ATP5MF: variants seen among roughly 807,000 people sequenced by gnomAD.
ATP5MF encodes ATP synthase F(0) complex subunit f, mitochondrial.
A neutral mutation model predicts 13.8 loss-of-function variants in ATP5MF; 10 were observed. That is an observed-to-expected ratio of 0.72 (90% CI 0.45 to 1.23). The LOEUF (loss-of-function observed/expected upper bound fraction) is 1.23, where lower values mean the gene tolerates loss of function less well. Ranked by LOEUF, ATP5MF falls within the 50% of genes most tolerant of loss-of-function variation. The pLI, the probability that ATP5MF is intolerant of heterozygous loss-of-function variation, is 0.00. For synonymous variants in ATP5MF, 40 were observed against 45.8 expected, an observed-to-expected ratio of 0.87 and a Z score of 0.51; for missense variants, 122 against 118.2, an observed-to-expected ratio of 1.03 and a Z score of -0.15.
rs111813963 is a variant in ATP5MF, at chr7:99,459,146, C to T, written c.256+1G>A. On this transcript the variant is annotated splice_donor_variant, in intron 3 of 3. Coordinates refer to ENST00000292475, the MANE Select transcript of ATP5MF (RefSeq NM_004889.5). LOFTEE classifies it high-confidence loss of function. Reference sequence around the variant, plus strand: ...AGGCAAGACGCCGCAGAGGCACTCACTGAGATGCTTGTAGGAAAAGGAGTA... The same window carrying T: ...AGGCAAGACGCCGCAGAGGCACTCATTGAGATGCTTGTAGGAAAAGGAGTA... The T allele has an allele frequency of 1.9e-6, 3 of 1,612,016 alleles. No individual in the cohort carries two copies. The highest frequency in any genetic ancestry group is 2.2e-5 in the East Asian group (1 of 44,882).
rs778385840 is a variant in ATP5MF at position 99,459,243 on chromosome 7, T to C, written c.160A>G (p.Lys54Glu). The C allele has an allele frequency of 6.2e-7, 1 of 1,613,978 alleles. No individual in the cohort carries two copies. ...FQRGYYRYYN[K>E]YINVKKGSIS... Reference sequence around the variant, plus strand: ...CTCCCCTTCTTCACATTGATGTACTTGTTGTAGTACCGGTAGTAACCTGCA... The same window carrying C: ...CTCCCCTTCTTCACATTGATGTACTCGTTGTAGTACCGGTAGTAACCTGCA... The change falls in exon 3 of 4, where the codon AAG (lysine) becomes GAG (glutamate). Residue 54 changes from lysine to glutamate, a missense_variant. Lys to Glu is a moderately conservative substitution (Grantham distance 56). Transcript: ENST00000292475.
At chr7:99,459,888 G>A in intron 2 of ATP5MF, 198 bp downstream of exon 2, 3 of 600,182 alleles carry the variant, frequency 5.0e-6, no homozygotes, top group Non-Finnish European at 8.6e-6. Context: ...GTTCTTGGCT[G>A]TAATATCTCA....
At chr7:99,465,921 T>C (rs1798852125) in intron 1 of ATP5MF, among the ~76,000 whole-genome samples, 190 bp downstream of exon 1, 1 of 152,184 alleles carries the variant, frequency 6.6e-6, no homozygotes, top group Non-Finnish European at 1.5e-5. Context: ...CCTAACCCGG[T>C]TGGCGCAGGC....
chr7:99,465,951 C>A (rs939699543), intron 1 of ATP5MF, among the ~76,000 whole-genome samples, 160 bp downstream of exon 1: 2 of 152,198 alleles, frequency 1.3e-5, no homozygotes, highest in African/African-American at 4.8e-5. Flanking sequence ...CAGGAAGGCG[C>A]GCCTGGGCAG....
chr7:99,459,342 A>C, intron 2 of ATP5MF, 79 bp from the exon 3 acceptor site: 1 of 1,034,860 alleles, frequency 9.7e-7, no homozygotes, highest in South Asian at 1.3e-5. Flanking sequence ...AGTCTGGCTG[A>C]CATTCAGGGA....
rs1181047455 is a variant in ATP5MF, at chr7:99,460,114, A to G, written c.111T>C (p.Pro37=). The stretch of plus-strand genomic sequence containing the variant: ...TTTGAAACGCTCCGAAAATGCCACT[A>G]GGACTGAAGTCCCGCATCAAGATCC... ...PSWILMRDFS[P]SGIFGAFQRG... is the part of the protein sequence containing the mutation. Residue 37 remains proline, a synonymous_variant, in exon 2 of 4, where the codon CCT becomes CCC. Coordinates refer to ENST00000292475, the MANE Select transcript of ATP5MF (RefSeq NM_004889.5). 2 of 1,614,066 alleles carry G rather than the reference A, an allele frequency of 1.2e-6. No homozygotes were observed. The highest frequency in any genetic ancestry group is 2.2e-5 in the East Asian group (1 of 44,890).
chr7:99,460,519 T>G, intron 1 of ATP5MF: 1 of 567,014 alleles, frequency 1.8e-6, no homozygotes, highest in South Asian at 1.4e-5. Flanking sequence ...AAGCTAACAT[T>G]TACTTGACAT....
intron 1 of ATP5MF, among the ~76,000 whole-genome samples, chr7:99,461,402 A>T (rs1798594225): frequency 6.6e-6 from 1 of 152,062 alleles, no homozygotes. Flanking sequence ...AGCTTTTAGC[A>T]GATGTCCTAT....
intron 2 of ATP5MF, 130 bp downstream of exon 2, chr7:99,459,956 C>T: frequency 5.6e-6 from 6 of 1,062,898 alleles, no homozygotes; most frequent in Non-Finnish European, 6.8e-6. Flanking sequence ...GCATCCCTCC[C>T]TGTCATCCTC....
intron 1 of ATP5MF, among the ~76,000 whole-genome samples, chr7:99,463,975 C>T (rs1798728978): frequency 6.6e-6 from 1 of 152,146 alleles, no homozygotes; most frequent in Non-Finnish European, 1.5e-5. Context: ...TGGTGACAGA[C>T]ACTACCTAAA....
chr7:99,458,218 G>T lies in ATP5MF; in HGVS notation c.*109C>A. The T allele has an allele frequency of 8.5e-7, 1 of 1,172,958 alleles. No homozygotes were observed. The highest frequency in any genetic ancestry group is 1.2e-6 in the Non-Finnish European group (1 of 822,098). 72.7% of individuals were successfully genotyped at this position (1,172,958 alleles called of 1,614,324 possible). A position where few individuals can be genotyped will look rare whatever the true frequency, so the allele number is the denominator to read the frequency against. ...CGTACCAGTCATGTTTTATTTGGAG[G>T]TTAATTCCTATTAGGATATGAAAGG... On this transcript the variant is annotated 3_prime_UTR_variant, in exon 4 of 4. Coordinates refer to ENST00000292475, the MANE Select transcript of ATP5MF (RefSeq NM_004889.5).
intron 1 of ATP5MF, among the ~76,000 whole-genome samples, chr7:99,465,389 C>A (rs1328910736): frequency 6.6e-6 from 1 of 152,226 alleles, no homozygotes; most frequent in African/African-American, 2.4e-5. Context: ...TTTCCCTCAT[C>A]TGTAAAATGG....
At chr7:99,460,727 A>T (rs2151027328) in intron 1 of ATP5MF, among the ~76,000 whole-genome samples, 1 of 152,258 alleles carries the variant, frequency 6.6e-6, no homozygotes. Context: ...TGGAGAACGT[A>T]CAAGAGGGGA....
At chr7:99,465,751 G>GA (rs1452637661) in intron 1 of ATP5MF, among the ~76,000 whole-genome samples, 1 of 152,172 alleles carries the variant, frequency 6.6e-6, no homozygotes, top group Non-Finnish European at 1.5e-5. Flanking sequence ...TAAGCCTTGG[G>GA]AAAAAAGGGC....
At chr7:99,460,618 G>A (rs1406210911) in intron 1 of ATP5MF, 16 of 459,030 alleles carry the variant, frequency 3.5e-5, no homozygotes, top group Non-Finnish European at 5.3e-5. Flanking sequence ...GTTGGGCCAC[G>A]TGACCAAAGT....
At chr7:99,465,846 A>G (rs1263907889) in intron 1 of ATP5MF, among the ~76,000 whole-genome samples, 1 of 152,242 alleles carries the variant, frequency 6.6e-6, no homozygotes, top group African/African-American at 2.4e-5. Context: ...AAAGAGGAAC[A>G]GTGGCCCAAG....
chr7:99,458,411 G>A, intron 3 of ATP5MF, 56 bp from the exon 4 acceptor site: 2 of 1,556,196 alleles, frequency 1.3e-6, no homozygotes, highest in Non-Finnish European at 1.7e-6. Context: ...TGAAGGCACA[G>A]CATGGCAGGA....
chr7:99,458,735 C>T (rs959061661), intron 3 of ATP5MF, among the ~76,000 whole-genome samples: 1 of 152,254 alleles, frequency 6.6e-6, no homozygotes, highest in Non-Finnish European at 1.5e-5. Context: ...CGACACCTCC[C>T]GCCAATCTCC....
At chr7:99,458,382 G>C (rs1798427720) in intron 3 of ATP5MF, 27 bp from the exon 4 acceptor site, 1 of 1,599,998 alleles carries the variant, frequency 6.3e-7, no homozygotes, top group African/African-American at 1.3e-5. Flanking sequence ...AAGATGGTAA[G>C]TATCTTAAAA....
Sources: gnomAD v4.1 joint callset for allele counts (sites outside exome capture counted in the v4.1 genomes callset) on GRCh38, gnomAD v4.1.1 for gene constraint, MANE v1.5 for transcripts, NCBI Gene and HGNC (gene_info 2026-07-23, HGNC 2026-07-21) for gene names.